Variants in SNTG1 observed in about 807,000 individuals in gnomAD.
SNTG1 encodes the protein gamma-1-syntrophin.
In SNTG1, 39 loss-of-function variants were observed where a neutral mutation model predicts 74.7. The observed-to-expected ratio is 0.52, with a 90% CI of 0.40 to 0.68. The LOEUF (loss-of-function observed/expected upper bound fraction) is 0.68. Among genes scored for constraint, SNTG1 ranks in the 30% least tolerant of loss-of-function variants. SNTG1 has a pLI of 0.00. For missense variants in SNTG1, 685 were observed against 609.5 expected, an observed-to-expected ratio of 1.12 and a Z score of -1.30; for synonymous variants, 254 against 217.1, an observed-to-expected ratio of 1.17 and a Z score of -1.49.
chr8:50,009,873 C>T (rs1368618543), intron 1 of SNTG1, among the ~76,000 whole-genome samples: 1 of 152,038 alleles, frequency 6.6e-6, no homozygotes, highest in African/African-American at 2.4e-5. Context: ...GTGATGCATG[C>T]CTGTAGCCCC....
intron 1 of SNTG1, among the ~76,000 whole-genome samples, chr8:50,093,015 G>C (rs2079796282): frequency 6.6e-6 from 1 of 152,056 alleles, no homozygotes; most frequent in East Asian, 1.9e-4. Context: ...GAATTCTCAA[G>C]AGCAAATAAT....
chr8:50,321,822 C>CT (rs1321398161), intron 2 of SNTG1, among the ~76,000 whole-genome samples: 1 of 152,112 alleles, frequency 6.6e-6, no homozygotes, highest in African/African-American at 2.4e-5. Flanking sequence ...AAACTGTACA[C>CT]TTTAACTTTG....
chr8:50,619,232 GATTTT>G lies in SNTG1; in HGVS notation c.849+28322_849+28326del, dbSNP rs201250391. On this transcript the variant is annotated intron_variant, in intron 13 of 18. Transcript: ENST00000642720. ...GAATTTAAGATTCACTCTAGGAATAGATTTTATTTTAAGTATGATGAATATTTTAA... is the reference window on the plus strand; with the variant it reads ...GAATTTAAGATTCACTCTAGGAATAGATTTTAAGTATGATGAATATTTTAA... Among the ~76,000 whole-genome samples the G allele has an allele frequency of 7.9e-3, 1,209 of 152,264 alleles. 12 individuals are homozygous for G. The highest frequency in any genetic ancestry group is 0.027 in the African/African-American group (1,104 of 41,542).
intron 5 of SNTG1, among the ~76,000 whole-genome samples, chr8:50,441,775 A>G (rs2093359718): frequency 6.6e-6 from 1 of 152,146 alleles, no homozygotes; most frequent in African/African-American, 2.4e-5. Context: ...ATCTCCAAAA[A>G]TGCTAGACAC....
intron 18 of SNTG1, among the ~76,000 whole-genome samples, chr8:50,768,578 G>T (rs146362161): frequency 6.6e-6 from 1 of 151,968 alleles, no homozygotes; most frequent in Non-Finnish European, 1.5e-5. Flanking sequence ...TTTCTGTCTT[G>T]TAAATAAAGG....
chr8:50,404,791 A>C (rs1587496663), intron 4 of SNTG1, among the ~76,000 whole-genome samples: 1 of 152,108 alleles, frequency 6.6e-6, no homozygotes, highest in Non-Finnish European at 1.5e-5. Context: ...CTCTGTACGC[A>C]TTAAACAGTA....
chr8:50,377,874 C>T (rs2092415306), intron 2 of SNTG1, among the ~76,000 whole-genome samples: 1 of 152,198 alleles, frequency 6.6e-6, no homozygotes, highest in Non-Finnish European at 1.5e-5. Context: ...TTCATGACAA[C>T]TTTGTGAAAA....
At chr8:49,934,762 T>A (rs1807906173) in intron 1 of SNTG1, among the ~76,000 whole-genome samples, 1 of 152,190 alleles carries the variant, frequency 6.6e-6, no homozygotes, top group South Asian at 2.1e-4. Context: ...CAGTACCATG[T>A]GTGAACAAGT....
At chr8:49,974,522 G>A (rs991256785) in intron 1 of SNTG1, among the ~76,000 whole-genome samples, 3 of 152,140 alleles carry the variant, frequency 2.0e-5, no homozygotes, top group Admixed American at 6.6e-5. Flanking sequence ...TTCTCAAGAT[G>A]AATGCAAAAG....
intron 12 of SNTG1, among the ~76,000 whole-genome samples, chr8:50,580,486 T>C (rs2094603440): frequency 6.6e-6 from 1 of 152,052 alleles, no homozygotes; most frequent in Non-Finnish European, 1.5e-5. Flanking sequence ...TTGGGTTGTG[T>C]CCCCACCCAA....
chr8:50,309,730 G>A (rs1231902406), intron 2 of SNTG1, among the ~76,000 whole-genome samples: 1 of 152,130 alleles, frequency 6.6e-6, no homozygotes, highest in Non-Finnish European at 1.5e-5. Flanking sequence ...AGACGAAGTG[G>A]AGATTAAAGG....
At chr8:50,233,286 A>G (rs1266581639) in intron 2 of SNTG1, among the ~76,000 whole-genome samples, 2 of 151,684 alleles carry the variant, frequency 1.3e-5, no homozygotes, top group Non-Finnish European at 3.0e-5. Flanking sequence ...TTTGGCAAAT[A>G]TTCAAAAGCA....
Position 49,979,778 on chromosome 8 carries a change from G to A in SNTG1, c.-103+67547G>A, listed in dbSNP as rs1053898183. ...ACTGGCTGAATGTTCTGAGAGACCC[G>A]CAGCCCAGGATTGCTGAGTCGCTTG... On this transcript the variant is annotated intron_variant, in intron 1 of 18. Transcript: ENST00000642720. 1.4e-4 allele frequency among the ~76,000 whole-genome samples: 22 copies of A among 152,318 alleles called. No individual in the cohort carries two copies. In the South Asian group the frequency reaches 1.9e-3, roughly 13 times the overall value.
At chr8:50,655,166 G>A (rs1222514850) in intron 13 of SNTG1, among the ~76,000 whole-genome samples, 3 of 152,062 alleles carry the variant, frequency 2.0e-5, no homozygotes, top group African/African-American at 7.2e-5. Context: ...AACATTAGAT[G>A]GTGGGTTGTC....
rs533481357 is a variant in SNTG1 at position 50,207,120 on chromosome 8, G to A, written c.-28+34485G>A. Among the ~76,000 whole-genome samples, 16 of 152,250 alleles carry A rather than the reference G, an allele frequency of 1.1e-4. No individual in the cohort carries two copies. The East Asian group carries it at 1.9e-3, about 18-fold the overall frequency. ...AGGATTCCCTCTTTTTCTATTGATT[G>A]GATTAGTTTCAGAAGGAATGGTACC... On this transcript the variant is annotated intron_variant, in intron 2 of 18. Coordinates refer to ENST00000642720, the MANE Select transcript of SNTG1 (RefSeq NM_018967.5).
intron 8 of SNTG1, among the ~76,000 whole-genome samples, chr8:50,488,140 G>A (rs781554436): frequency 2.6e-5 from 4 of 152,146 alleles, no homozygotes; most frequent in Non-Finnish European, 5.9e-5. Context: ...GTGGTGCTGT[G>A]CAGCTGGGCT....
chr8:50,379,391 A>C (rs1409566555), intron 2 of SNTG1, among the ~76,000 whole-genome samples: 6 of 152,106 alleles, frequency 3.9e-5, no homozygotes, highest in Admixed American at 3.9e-4. Flanking sequence ...TCACAGCTGC[A>C]GTTGGGCAGC....
chr8:50,685,544 T>A (rs1483897520), intron 15 of SNTG1, among the ~76,000 whole-genome samples: 3 of 152,250 alleles, frequency 2.0e-5, no homozygotes, highest in African/African-American at 7.2e-5. Flanking sequence ...AACTTGTTTG[T>A]CATTTGGTCT....
chr8:50,574,033 C>A (rs2094563367), intron 12 of SNTG1, among the ~76,000 whole-genome samples: 1 of 151,902 alleles, frequency 6.6e-6, no homozygotes, highest in African/African-American at 2.4e-5. Context: ...TGATATTCAG[C>A]AAATACTATT....
Sources: gnomAD v4.1 joint callset for allele counts (sites outside exome capture counted in the v4.1 genomes callset) on GRCh38, gnomAD v4.1.1 for gene constraint, MANE v1.5 for transcripts, NCBI Gene and HGNC (gene_info 2026-07-23, HGNC 2026-07-21) for gene names.